Variants in F13A1 observed in about 807,000 individuals in gnomAD.
F13A1 encodes the protein coagulation factor XIII A chain, also known as FSF, A subunit.
Under a neutral mutation model 80.1 loss-of-function variants are expected in F13A1, and 47 were observed. The observed-to-expected ratio is 0.59, with a 90% CI of 0.46 to 0.75. F13A1 has a LOEUF of 0.75. F13A1 is among the 30% of genes least tolerant of loss of function. The probability of loss-of-function intolerance (pLI) is 0.00; values close to 1 mark genes in which losing one functional copy is unlikely to be tolerated. For synonymous variants in F13A1, 349 were observed against 344.9 expected (o/e 1.01, Z -0.13); for missense variants, 817 against 930.4 (o/e 0.88, Z 1.59).
intron 3 of F13A1, among the ~76,000 whole-genome samples, chr6:6,281,986 T>A (rs1451427114): frequency 2.2e-5 from 2 of 92,688 alleles, no homozygotes; most frequent in African/African-American, 4.9e-5. Flanking sequence ...AGAGTGAGAC[T>A]CCGTCTCAAA....
chr6:6,300,596 T>A lies in F13A1; in HGVS notation c.319+4755A>T, dbSNP rs1333637013. Among the ~76,000 whole-genome samples the A allele has an allele frequency of 3.3e-5, 5 of 152,148 alleles. No homozygotes were observed. The East Asian group carries it at 9.6e-4, about 29-fold the overall frequency. On this transcript the variant is annotated intron_variant, in intron 3 of 14. Coordinates refer to ENST00000264870, the MANE Select transcript of F13A1 (RefSeq NM_000129.4). ...GAGTGAGGCAATGCCTCGCCCTGCTTCGGCTCGCGCACAGTGCACGCACCC... is the reference window on the plus strand; with the variant it reads ...GAGTGAGGCAATGCCTCGCCCTGCTACGGCTCGCGCACAGTGCACGCACCC...
chr6:6,164,841 TTCCCC>T (rs1216471468), intron 13 of F13A1, among the ~76,000 whole-genome samples: 2 of 135,266 alleles, frequency 1.5e-5, no homozygotes. Context: ...TCTCCCTCCC[TTCCCC>T]TCCCTCCTTC....
intron 14 of F13A1, among the ~76,000 whole-genome samples, chr6:6,149,067 G>A (rs1243776592): frequency 6.6e-6 from 1 of 152,138 alleles, no homozygotes; most frequent in Non-Finnish European, 1.5e-5. Context: ...AGGAGAACAT[G>A]AAGGGGAAGA....
At chr6:6,228,181 G>A (rs1378438520) in intron 6 of F13A1, among the ~76,000 whole-genome samples, 1 of 151,998 alleles carries the variant, frequency 6.6e-6, no homozygotes, top group Non-Finnish European at 1.5e-5. Context: ...ACGTACAGGA[G>A]GCATTATTCA....
chr6:6,208,358 AAAC>A (rs1421054136), intron 8 of F13A1, among the ~76,000 whole-genome samples: 14 of 152,304 alleles, frequency 9.2e-5, no homozygotes, highest in Middle Eastern at 3.4e-3. Context: ...CAGAAGCAAA[AAAC>A]TAAAACAAAA....
At chr6:6,207,707 C>T (rs1761520044) in intron 8 of F13A1, among the ~76,000 whole-genome samples, 1 of 152,218 alleles carries the variant, frequency 6.6e-6, no homozygotes, top group African/African-American at 2.4e-5. Flanking sequence ...CCCCAACACA[C>T]ACACAACGCT....
intron 10 of F13A1, among the ~76,000 whole-genome samples, chr6:6,191,227 A>C (rs6923325): frequency 0.022 from 3,352 of 152,254 alleles, 112 homozygotes; most frequent in African/African-American, 0.075. Flanking sequence ...AGCTGTTCCT[A>C]TTCAGCCATC....
intron 6 of F13A1, among the ~76,000 whole-genome samples, chr6:6,226,024 A>T (rs1207381750): frequency 6.6e-6 from 1 of 152,256 alleles, no homozygotes; most frequent in African/African-American, 2.4e-5. Context: ...TTGTAGCAGC[A>T]GACCTAAAGT....
chr6:6,213,678 A>G (rs1240983192), intron 8 of F13A1, among the ~76,000 whole-genome samples: 2 of 151,312 alleles, frequency 1.3e-5, no homozygotes, highest in East Asian at 3.9e-4. Flanking sequence ...ACACATGACA[A>G]TATTAACTTT....
At chr6:6,288,442 G>A (rs1758168097) in intron 3 of F13A1, among the ~76,000 whole-genome samples, 1 of 152,076 alleles carries the variant, frequency 6.6e-6, no homozygotes, top group Non-Finnish European at 1.5e-5. Flanking sequence ...TCTGTGCCTG[G>A]CTTATTTCAG....
chr6:6,172,023 A>T (rs1760784317), intron 12 of F13A1, among the ~76,000 whole-genome samples: 1 of 152,188 alleles, frequency 6.6e-6, no homozygotes. Flanking sequence ...ACTATACTAT[A>T]GATTCACTTG....
intron 11 of F13A1, among the ~76,000 whole-genome samples, chr6:6,178,748 G>T (rs1760928153): frequency 6.6e-6 from 1 of 152,080 alleles, no homozygotes; most frequent in African/African-American, 2.4e-5. Context: ...AGGAAAAGAG[G>T]GTCAGGCAGG....
chr6:6,213,324 G>A (rs1190116060), intron 8 of F13A1, among the ~76,000 whole-genome samples: 18 of 152,082 alleles, frequency 1.2e-4, no homozygotes, highest in Admixed American at 3.3e-4. Flanking sequence ...GACTAACAGC[G>A]GATCTCTCGG....
At position 6,298,931 on chromosome 6, in the gene F13A1, T is replaced by A. The variant is rs1282942581; in HGVS notation, c.319+6420A>T. Among the ~76,000 whole-genome samples, 112 of 148,816 alleles carry A rather than the reference T, an allele frequency of 7.5e-4. 1 individual carries two copies. The highest frequency in any genetic ancestry group is 1.3e-3 in the Non-Finnish European group (91 of 67,884). On this transcript the variant is annotated intron_variant, in intron 3 of 14. Transcript: ENST00000264870. Reference sequence around the variant, plus strand: ...TTAGCGCTTCCTTCAGGAGCTCTTTTAGGGCAGGCCTGGTGGTGACAAAAT... The same window carrying A: ...TTAGCGCTTCCTTCAGGAGCTCTTTAAGGGCAGGCCTGGTGGTGACAAAAT...
chr6:6,174,730 CTT>C lies in F13A1; in HGVS notation c.1595_1596del (p.Lys532ArgfsTer83), dbSNP rs763234200. 2 of 1,614,168 alleles carry C rather than the reference CTT, an allele frequency of 1.2e-6. No homozygotes were observed. The highest frequency in any genetic ancestry group is 1.1e-5 in the South Asian group (1 of 91,082). On this transcript the variant is annotated frameshift_variant, in exon 12 of 15. Transcript: ENST00000264870. LOFTEE classifies it high-confidence loss of function. ...DFEVENAVLGKDFKLSITFRN... is the reference protein window; with the variant it reads ...DFEVENAVLGXDFKLSITFRN... ...CGGAAGGTGATGGAGAGCTTGAAGT[CTT>C]TTCCCAGCACAGCATTTTCCACTTC...
chr6:6,288,341 C>T (rs1192716525), intron 3 of F13A1, among the ~76,000 whole-genome samples: 1 of 152,194 alleles, frequency 6.6e-6, no homozygotes, highest in Non-Finnish European at 1.5e-5. Flanking sequence ...TGCCCCCAAG[C>T]CCCAGCCTCT....
intron 12 of F13A1, among the ~76,000 whole-genome samples, chr6:6,174,375 G>A (rs922753468): frequency 2.0e-4 from 30 of 151,766 alleles, no homozygotes; most frequent in Admixed American, 2.0e-3. Context: ...GGGTGTCAGA[G>A]CGAGATTCCA....
At chr6:6,197,544 G>T (rs577411107) in intron 8 of F13A1, among the ~76,000 whole-genome samples, 1 of 152,276 alleles carries the variant, frequency 6.6e-6, no homozygotes, top group East Asian at 1.9e-4. Flanking sequence ...TGGGTGTGGT[G>T]GCGGGTGCCT....
intron 10 of F13A1, among the ~76,000 whole-genome samples, chr6:6,185,112 A>ATT (rs1761054920): frequency 6.6e-6 from 1 of 150,454 alleles, no homozygotes; most frequent in Admixed American, 6.6e-5. Context: ...GCTCTGGATG[A>ATT]GTTACTGAAT....
Sources: gnomAD v4.1 joint callset for allele counts (sites outside exome capture counted in the v4.1 genomes callset) on GRCh38, gnomAD v4.1.1 for gene constraint, MANE v1.5 for transcripts, NCBI Gene and HGNC (gene_info 2026-07-23, HGNC 2026-07-21) for gene names.